Variants in DGKI observed in about 807,000 individuals in gnomAD.
DGKI encodes the protein diacylglycerol kinase iota.
DGKI carries 55 observed loss-of-function variants against 147.5 expected under a neutral mutation model. That is an observed-to-expected ratio of 0.37 (90% confidence interval 0.30 to 0.47). DGKI has a LOEUF of 0.47. Ranked by LOEUF, DGKI falls within the 20% of genes least tolerant of loss-of-function variation. The probability of loss-of-function intolerance (pLI) is 1.00; values close to 1 mark genes in which losing one functional copy is unlikely to be tolerated. For synonymous variants in DGKI, 469 were observed against 477.1 expected (o/e 0.98, Z 0.22); for missense variants, 1,007 against 1,323.8 (o/e 0.76, Z 3.71).
chr7:137,693,944 G>A (rs548120917), intron 1 of DGKI, among the ~76,000 whole-genome samples: 1 of 152,284 alleles, frequency 6.6e-6, no homozygotes, highest in Non-Finnish European at 1.5e-5. Flanking sequence ...TGCCACATTC[G>A]TAAAGGGCAT....
intron 1 of DGKI, among the ~76,000 whole-genome samples, chr7:137,811,406 AC>A (rs1470212043): frequency 6.6e-6 from 1 of 151,462 alleles, no homozygotes; most frequent in Non-Finnish European, 1.5e-5. Context: ...ACACACACAC[AC>A]ACACACACAC....
At chr7:137,634,563 C>A (rs1045836656) in intron 6 of DGKI, among the ~76,000 whole-genome samples, 5 of 152,130 alleles carry the variant, frequency 3.3e-5, no homozygotes, top group Admixed American at 2.0e-4. Context: ...GTGAGCCCAG[C>A]CTTAATCCAT....
At chr7:137,601,346 G>C (rs1480657006) in intron 10 of DGKI, among the ~76,000 whole-genome samples, 1 of 152,046 alleles carries the variant, frequency 6.6e-6, no homozygotes, top group Non-Finnish European at 1.5e-5. Flanking sequence ...AAAATCAGTA[G>C]GATGCCCCAT....
At chr7:137,583,073 G>GA (rs2128981894) in intron 14 of DGKI, among the ~76,000 whole-genome samples, 1 of 152,004 alleles carries the variant, frequency 6.6e-6, no homozygotes, top group South Asian at 2.1e-4. Context: ...CTTTCATTAA[G>GA]AAAAAAGTGA....
chr7:137,678,558 G>A lies in DGKI; in HGVS notation c.605C>T (p.Ala202Val). The A allele has an allele frequency of 1.9e-6, 3 of 1,614,000 alleles. No homozygotes were observed. The highest frequency in any genetic ancestry group is 2.5e-6 in the Non-Finnish European group (3 of 1,179,882). Residue 202 changes from alanine (A) to valine (V), a missense_variant and splice_region_variant, in exon 3 of 33, where the codon GCA (alanine) becomes GTA (valine). By Grantham distance (64) the Ala-to-Val change is moderately conservative (BLOSUM62 0). Coordinates refer to ENST00000614521, the MANE Select transcript of DGKI (RefSeq NM_001321708.2). ...LGEENCQVRF[A>V]KSALRRKCAV... ...CAGCAAGACGGAGCGCACACTCACT[G>A]CAAATCTGACTTGGCAGTTCTCCTC...
intron 21 of DGKI, among the ~76,000 whole-genome samples, chr7:137,519,807 G>A (rs77336799): frequency 0.014 from 2,097 of 152,066 alleles, 54 homozygotes; most frequent in African/African-American, 0.047. Flanking sequence ...CACCATCACC[G>A]CATATTAAAA....
At chr7:137,442,898 T>C (rs898725858) in intron 28 of DGKI, among the ~76,000 whole-genome samples, 1 of 152,140 alleles carries the variant, frequency 6.6e-6, no homozygotes, top group African/African-American at 2.4e-5. Context: ...AGCCCTAGAA[T>C]GTAGAAAAAT....
chr7:137,672,766 C>CTTT lies in DGKI; in HGVS notation c.606+5788_606+5790dup, dbSNP rs60078498. Among the ~76,000 whole-genome samples, 346 of 65,664 alleles carry CTTT rather than the reference C, an allele frequency of 5.3e-3. 31 individuals are homozygous for CTTT. The highest frequency in any genetic ancestry group is 6.3e-3 in the Non-Finnish European group (237 of 37,870). 43.1% of individuals were successfully genotyped at this position (65,664 alleles called of 152,430 possible). A position where few individuals can be genotyped will look rare whatever the true frequency, so the allele number is the denominator to read the frequency against. On this transcript the variant is annotated intron_variant, in intron 3 of 32. Transcript: ENST00000614521. ...TCTCTGTGTGTGTGTCTCTGTGTGT[C>CTTT]TTTTTTTTTTTTTTTTTTTTTTTTT...
At chr7:137,470,589 G>T (rs1212783965) in intron 23 of DGKI, among the ~76,000 whole-genome samples, 1 of 151,260 alleles carries the variant, frequency 6.6e-6, no homozygotes, top group Non-Finnish European at 1.5e-5. Context: ...TTTGAGACAG[G>T]CTGTCTTCCA....
At chr7:137,408,398 G>T (rs1335900394) in intron 29 of DGKI, among the ~76,000 whole-genome samples, 1 of 152,180 alleles carries the variant, frequency 6.6e-6, no homozygotes, top group African/African-American at 2.4e-5. Context: ...GAAATAGCTT[G>T]GTGACTGTAG....
At chr7:137,560,831 A>G (rs1818395427) in intron 19 of DGKI, among the ~76,000 whole-genome samples, 1 of 152,214 alleles carries the variant, frequency 6.6e-6, no homozygotes. Context: ...GAATCTCCAG[A>G]GGGAACACAG....
intron 1 of DGKI, among the ~76,000 whole-genome samples, chr7:137,698,152 A>G (rs1823858586): frequency 6.6e-6 from 1 of 151,398 alleles, no homozygotes; most frequent in Non-Finnish European, 1.5e-5. Context: ...CCAAATATAT[A>G]TATATATATA....
intron 23 of DGKI, among the ~76,000 whole-genome samples, chr7:137,470,335 A>G (rs753617728): frequency 6.6e-6 from 1 of 152,186 alleles, no homozygotes; most frequent in Non-Finnish European, 1.5e-5. Context: ...TCTGCCTGAC[A>G]TAACTACCAT....
At chr7:137,742,172 T>C (rs765143799) in intron 1 of DGKI, among the ~76,000 whole-genome samples, 4 of 152,212 alleles carry the variant, frequency 2.6e-5, no homozygotes, top group Non-Finnish European at 4.4e-5. Flanking sequence ...TGTTCTCATA[T>C]GCCAAAGGCA....
intron 21 of DGKI, among the ~76,000 whole-genome samples, chr7:137,494,338 C>T (rs2128939263): frequency 6.6e-6 from 1 of 152,188 alleles, no homozygotes; most frequent in Admixed American, 6.5e-5. Context: ...TGAAATATTA[C>T]ACAAGAAGAT....
intron 1 of DGKI, among the ~76,000 whole-genome samples, chr7:137,792,868 C>A (rs1796898284): frequency 6.6e-6 from 1 of 152,198 alleles, no homozygotes; most frequent in Non-Finnish European, 1.5e-5. Flanking sequence ...CTAGCAGAGG[C>A]TGGTGCCATG....
chr7:137,523,267 G>A (rs1315458299), intron 20 of DGKI, among the ~76,000 whole-genome samples: 1 of 151,906 alleles, frequency 6.6e-6, no homozygotes, highest in Non-Finnish European at 1.5e-5. Context: ...AACTCTGGAA[G>A]AGGGAGTAAA....
chr7:137,700,054 G>A (rs921299589), intron 1 of DGKI, among the ~76,000 whole-genome samples: 2 of 152,172 alleles, frequency 1.3e-5, no homozygotes, highest in Admixed American at 1.3e-4. Context: ...TGTCTGTGGT[G>A]ACAGGCAAAG....
chr7:137,846,744 G>C lies in DGKI; in HGVS notation c.119C>G (p.Ala40Gly), dbSNP rs1798750880. Reference sequence around the variant, plus strand: ...GGCGGCCGCGGAGGGAGCGCAGGCGGCGCCGCTGCAGGGGCCGGGCGGGCT... The same window carrying C: ...GGCGGCCGCGGAGGGAGCGCAGGCGCCGCCGCTGCAGGGGCCGGGCGGGCT... ...AASPPGPCSG[A>G]ACAPSAAAGA... is the part of the protein sequence containing the mutation. The change falls in exon 1 of 33, where the codon GCC (alanine) becomes GGC (glycine). Residue 40 changes from alanine (A) to glycine (G), a missense_variant. Ala to Gly is a moderately conservative substitution (Grantham distance 60, BLOSUM62 0). Around this residue, in one of 5 missense-constraint regions of DGKI, gnomAD observed 137 missense variants for 114.4 expected, o/e 1.20. Coordinates refer to ENST00000614521, the MANE Select transcript of DGKI (RefSeq NM_001321708.2). The surrounding 1 kb of genome is among the most constrained non-coding windows in gnomAD (Gnocchi z 4.0). 2 of 1,012,732 alleles carry C rather than the reference G, an allele frequency of 2.0e-6. No homozygotes were observed. The highest frequency in any genetic ancestry group is 2.4e-6 in the Non-Finnish European group (2 of 850,640). The allele number at this position is 1,012,732 out of a possible 1,614,324, so 62.7% of individuals were successfully genotyped here.
Sources: allele counts gnomAD v4.1 joint callset (sites outside exome capture counted in the v4.1 genomes callset), GRCh38; gene constraint gnomAD v4.1.1; regional missense constraint gnomAD v4.1.1; non-coding constraint Gnocchi (gnomAD v3.1); transcripts MANE v1.5; gene names NCBI Gene and HGNC (gene_info 2026-07-23, HGNC 2026-07-21).